COMMD1: variants seen among roughly 807,000 people sequenced by gnomAD.
COMMD1 encodes the protein copper metabolism domain containing 1, also known as COMM domain-containing protein 1.
A neutral mutation model predicts 17.2 loss-of-function variants in COMMD1; 10 were observed. The ratio of observed to expected loss-of-function variants is 0.58; its 90% CI spans 0.36 to 0.99. The LOEUF is 0.99. Among genes scored for constraint, COMMD1 ranks in the 50% least tolerant of loss-of-function variants. The probability of loss-of-function intolerance (pLI) is 0.01; values close to 1 mark genes in which losing one functional copy is unlikely to be tolerated. For missense variants in COMMD1, 270 were observed against 231.8 expected, an observed-to-expected ratio of 1.17 and a Z score of -1.07; for synonymous variants, 97 against 91.6, an observed-to-expected ratio of 1.06 and a Z score of -0.34.
intron 2 of COMMD1, among the ~76,000 whole-genome samples, chr2:62,106,818 T>C (rs1672335589): frequency 6.6e-6 from 1 of 152,158 alleles, no homozygotes; most frequent in African/African-American, 2.4e-5. Context: ...AGAGACTGTG[T>C]GGAAAGTGCA....
intron 2 of COMMD1, chr2:62,001,197 A>C (rs1668930080): frequency 1.8e-6 from 1 of 555,448 alleles, no homozygotes; most frequent in African/African-American, 1.9e-5. Flanking sequence ...GCTGTCTCAG[A>C]AGAACAGAAT....
At chr2:62,071,495 C>T (rs932540370) in intron 2 of COMMD1, among the ~76,000 whole-genome samples, 12 of 152,070 alleles carry the variant, frequency 7.9e-5, no homozygotes, top group African/African-American at 2.9e-4. Context: ...AGGAATGCAG[C>T]CTGGTAGGTC....
At chr2:61,935,742 A>T (rs6705440) in intron 1 of COMMD1, among the ~76,000 whole-genome samples, 7,400 of 152,188 alleles carry the variant, frequency 0.049, 602 homozygotes, top group African/African-American at 0.17. Flanking sequence ...TCCAAATCTA[A>T]TCTTATTAAA....
At chr2:62,052,449 A>G (rs543765131) in intron 2 of COMMD1, among the ~76,000 whole-genome samples, 17 of 152,204 alleles carry the variant, frequency 1.1e-4, no homozygotes, top group Non-Finnish European at 1.9e-4. Context: ...CTTTTCCATC[A>G]GATTATTCCA....
At chr2:62,005,011 C>T (rs1319340717) in intron 2 of COMMD1, among the ~76,000 whole-genome samples, 1 of 152,168 alleles carries the variant, frequency 6.6e-6, no homozygotes, top group Non-Finnish European at 1.5e-5. Flanking sequence ...CAGTTTATAT[C>T]ATTTTAAAGC....
rs1345315438 is a variant in COMMD1, at chr2:62,000,557, G to A, written c.181-144G>A. 6 of 804,160 alleles carry A rather than the reference G, an allele frequency of 7.5e-6. No homozygotes were observed. In the African/African-American group the frequency reaches 1.0e-4, roughly 14 times the overall value. The allele number at this position is 804,160 out of a possible 1,614,324, so 49.8% of individuals were successfully genotyped here. A position where few individuals can be genotyped will look rare whatever the true frequency, so the allele number is the denominator to read the frequency against. On this transcript the variant is annotated intron_variant, in intron 1 of 2. Transcript: ENST00000311832. ...TGATCTCACCTCTGCCTCCCAAAGTGCTGAGATTACAGGTGTGAGCCATTG... is the reference window on the plus strand; with the variant it reads ...TGATCTCACCTCTGCCTCCCAAAGTACTGAGATTACAGGTGTGAGCCATTG...
intron 1 of COMMD1, among the ~76,000 whole-genome samples, chr2:61,923,744 T>C (rs1050677976): frequency 6.6e-6 from 1 of 152,034 alleles, no homozygotes; most frequent in African/African-American, 2.4e-5. Flanking sequence ...TGACATAAGC[T>C]CAGATTTATA....
intron 2 of COMMD1, among the ~76,000 whole-genome samples, chr2:62,130,389 G>A (rs113126484): frequency 7.9e-5 from 12 of 151,462 alleles, no homozygotes; most frequent in African/African-American, 2.4e-4. Context: ...ATTCTCCTGC[G>A]TCAGCCTCCC....
At chr2:61,942,011 T>G (rs1391857478) in intron 1 of COMMD1, among the ~76,000 whole-genome samples, 1 of 152,230 alleles carries the variant, frequency 6.6e-6, no homozygotes, top group Non-Finnish European at 1.5e-5. Flanking sequence ...TTAGTTTTAT[T>G]TGTACAGTTT....
chr2:62,133,366 C>G (rs17574409), intron 2 of COMMD1, among the ~76,000 whole-genome samples: 14,212 of 152,164 alleles, frequency 0.093, 791 homozygotes, highest in Non-Finnish European at 0.12. Flanking sequence ...CTTTAACTAC[C>G]ACTTTGGAGA....
At chr2:62,084,306 G>A (rs1483777671) in intron 2 of COMMD1, among the ~76,000 whole-genome samples, 2 of 152,070 alleles carry the variant, frequency 1.3e-5, no homozygotes, top group African/African-American at 2.4e-5. Flanking sequence ...CTAACCAGAA[G>A]CCTTACATAA....
chr2:61,935,215 C>T (rs1372422942), intron 1 of COMMD1, among the ~76,000 whole-genome samples: 3 of 152,080 alleles, frequency 2.0e-5, no homozygotes, highest in South Asian at 2.1e-4. Flanking sequence ...CATTAATTAC[C>T]GACAAGATAT....
chr2:61,963,373 T>C (rs1267710999), intron 1 of COMMD1, among the ~76,000 whole-genome samples: 2 of 152,096 alleles, frequency 1.3e-5, no homozygotes, highest in Non-Finnish European at 2.9e-5. Flanking sequence ...TTTTGTTTTT[T>C]TGAGATGGAG....
intron 1 of COMMD1, among the ~76,000 whole-genome samples, chr2:61,908,062 G>C (rs904800938): frequency 1.3e-5 from 2 of 152,124 alleles, no homozygotes; most frequent in African/African-American, 4.8e-5. Flanking sequence ...CTGTGTTGTG[G>C]AGTGGCATGG....
intron 2 of COMMD1, among the ~76,000 whole-genome samples, chr2:62,129,903 C>T (rs973856136): frequency 2.0e-5 from 3 of 152,084 alleles, no homozygotes; most frequent in Non-Finnish European, 4.4e-5. Context: ...GAGCCGGGCG[C>T]CGTGGCTTAC....
chr2:61,994,818 T>A (rs967640893), intron 1 of COMMD1, among the ~76,000 whole-genome samples: 6 of 152,168 alleles, frequency 3.9e-5, no homozygotes, highest in African/African-American at 1.4e-4. Context: ...GTCCTTCTTA[T>A]ACTATGACCC....
chr2:61,894,615 G>A (rs981669108), intron 1 of COMMD1, among the ~76,000 whole-genome samples: 1 of 151,076 alleles, frequency 6.6e-6, no homozygotes, highest in Non-Finnish European at 1.5e-5. Context: ...ATGAAACTAG[G>A]CCTCTGCTTC....
Position 62,034,101 on chromosome 2 carries a change from A to G in COMMD1, c.462+33119A>G, listed in dbSNP as rs187244996. ...AAGACCCTGTCTCAAAAAAAAAAAA[A>G]AAAAAAAAAAGAAATGTATTAAAAG... On this transcript the variant is annotated intron_variant, in intron 2 of 2. Transcript: ENST00000311832. 7.7e-3 allele frequency among the ~76,000 whole-genome samples: 1,172 copies of G among 151,718 alleles called. 19 individuals carry two copies. Among genetic ancestry groups the G allele is most frequent in the African/African-American group, 0.027 (1,105 of 41,364 alleles).
chr2:62,116,387 C>T (rs1006895286), intron 2 of COMMD1, among the ~76,000 whole-genome samples: 1 of 152,150 alleles, frequency 6.6e-6, no homozygotes, highest in Non-Finnish European at 1.5e-5. Flanking sequence ...AGATGTTTTT[C>T]TTGGCCGGTT....
Sources: gnomAD v4.1 joint callset for allele counts (sites outside exome capture counted in the v4.1 genomes callset) on GRCh38, gnomAD v4.1.1 for gene constraint, MANE v1.5 for transcripts, NCBI Gene and HGNC (gene_info 2026-07-23, HGNC 2026-07-21) for gene names.